Variants in USP47 observed in about 807,000 individuals in gnomAD.
USP47 encodes the protein ubiquitin specific peptidase 47, also known as ubiquitin carboxyl-terminal hydrolase 47.
Under a neutral mutation model 165.1 loss-of-function variants are expected in USP47, and 35 were observed. The ratio of observed to expected loss-of-function variants is 0.21; its 90% confidence interval spans 0.16 to 0.28. The LOEUF is 0.28. USP47 is among the 10% of genes least tolerant of loss of function. The pLI is 1.00. For missense variants in USP47, 1,277 were observed against 1,607.4 expected, an observed-to-expected ratio of 0.79 and a Z score of 3.52; for synonymous variants, 531 against 544.5, an observed-to-expected ratio of 0.98 and a Z score of 0.35.
intron 8 of USP47, among the ~76,000 whole-genome samples, chr11:11,912,989 G>A (rs1250840279): frequency 6.6e-6 from 1 of 151,938 alleles, no homozygotes; most frequent in African/African-American, 2.4e-5. Flanking sequence ...TAGGAATAGA[G>A]GGAAATTTCC....
At chr11:11,905,661 T>C in intron 8 of USP47, 113 bp downstream of exon 8, 1 of 1,077,122 alleles carries the variant, frequency 9.3e-7, no homozygotes, top group South Asian at 3.1e-5. Flanking sequence ...CTTGGGTTGT[T>C]AGTCATTCCT....
At chr11:11,859,124 A>G (rs937390416) in intron 1 of USP47, among the ~76,000 whole-genome samples, 3 of 152,198 alleles carry the variant, frequency 2.0e-5, no homozygotes, top group Non-Finnish European at 4.4e-5. Flanking sequence ...ACGACTGATA[A>G]CAGAGCATCT....
chr11:11,948,332 A>G (rs1165495437), intron 21 of USP47, 146 bp from the exon 22 acceptor site: 5 of 825,098 alleles, frequency 6.1e-6, no homozygotes, highest in East Asian at 5.4e-5. Context: ...TTACTATTCT[A>G]GGTGCTGGGG....
rs747367915 is a variant in USP47, at chr11:11,942,965, A to G, written c.2944A>G (p.Lys982Glu). 2 of 1,613,568 alleles carry G rather than the reference A, an allele frequency of 1.2e-6. No homozygotes were observed. The highest frequency in any genetic ancestry group is 1.7e-6 in the Non-Finnish European group (2 of 1,179,690). The change falls in exon 20 of 28, where the codon AAA (lysine) becomes GAA (glutamate). Residue 982 changes from lysine (K) to glutamate (E), a missense_variant. By Grantham distance (56) the Lys-to-Glu change is moderately conservative (BLOSUM62 1). Transcript: ENST00000527733. ...TAGAAGAACGAAAGCAAATGAAGGGAAAAAAGAAACATGGGATACAGCAGA... is the reference window on the plus strand; with the variant it reads ...TAGAAGAACGAAAGCAAATGAAGGGGAAAAAGAAACATGGGATACAGCAGA... The part of the protein sequence containing the change: ...SSRRTKANEG[K>E]KETWDTAEED...
intron 5 of USP47, among the ~76,000 whole-genome samples, chr11:11,899,698 G>A (rs1852074226): frequency 6.6e-6 from 1 of 152,084 alleles, no homozygotes; most frequent in Admixed American, 6.5e-5. Flanking sequence ...AAGTGTAAAG[G>A]TCTTCAAAAA....
chr11:11,948,668 T>A, intron 22 of USP47, 110 bp downstream of exon 22: 1 of 1,031,596 alleles, frequency 9.7e-7, no homozygotes. Context: ...GGTCAGCAAA[T>A]TTTTTCTGGG....
chr11:11,926,454 C>T (rs1471509189), intron 11 of USP47, among the ~76,000 whole-genome samples: 1 of 152,006 alleles, frequency 6.6e-6, no homozygotes, highest in Non-Finnish European at 1.5e-5. Flanking sequence ...TCTAGGGTAT[C>T]CAATTTGTTG....
At chr11:11,868,367 G>A (rs1849817581) in intron 1 of USP47, among the ~76,000 whole-genome samples, 1 of 152,116 alleles carries the variant, frequency 6.6e-6, no homozygotes, top group South Asian at 2.1e-4. Context: ...TTTTAAGAGT[G>A]TTGTAAAAAT....
chr11:11,938,220 A>G, intron 17 of USP47, 37 bp from the exon 18 acceptor site: 1 of 1,567,774 alleles, frequency 6.4e-7, no homozygotes. Context: ...TTAAAAAATA[A>G]CCTCCAATTC....
intron 1 of USP47, among the ~76,000 whole-genome samples, chr11:11,843,049 C>G (rs142675168): frequency 2.0e-5 from 3 of 152,168 alleles, no homozygotes; most frequent in East Asian, 3.9e-4. Context: ...TCGGCGTATT[C>G]AAATGTGTAT....
chr11:11,875,040 T>TGC (rs1850309219), intron 1 of USP47, among the ~76,000 whole-genome samples: 1 of 88,824 alleles, frequency 1.1e-5, no homozygotes, highest in African/African-American at 3.7e-5. Context: ...TTATTGTGTG[T>TGC]GTGTGTGTGT....
intron 4 of USP47, among the ~76,000 whole-genome samples, chr11:11,893,939 T>G (rs1851697599): frequency 6.6e-6 from 1 of 152,218 alleles, no homozygotes; most frequent in South Asian, 2.1e-4. Context: ...CTTTAATGGT[T>G]TATTTTTTCT....
At chr11:11,932,876 A>T in intron 14 of USP47, 128 bp from the exon 15 acceptor site, 2 of 660,782 alleles carry the variant, frequency 3.0e-6, no homozygotes, top group Admixed American at 3.1e-5. Context: ...TGAGAGAAGG[A>T]TGTAATGGAG....
chr11:11,946,554 C>T (rs1221764579), intron 20 of USP47, among the ~76,000 whole-genome samples: 2 of 152,180 alleles, frequency 1.3e-5, no homozygotes, highest in Non-Finnish European at 2.9e-5. Flanking sequence ...GACCTGCCTA[C>T]AGCCATTTAT....
intron 1 of USP47, among the ~76,000 whole-genome samples, chr11:11,866,582 G>C (rs570140713): frequency 6.6e-6 from 1 of 152,332 alleles, no homozygotes; most frequent in East Asian, 1.9e-4. Context: ...ACTGTCATCA[G>C]TCTAGGTGGC....
At chr11:11,897,173 G>T (rs2134414261) in intron 4 of USP47, among the ~76,000 whole-genome samples, 1 of 151,346 alleles carries the variant, frequency 6.6e-6, no homozygotes, top group South Asian at 2.1e-4. Context: ...TTCTACACTG[G>T]ATGTGTGTGG....
chr11:11,879,493 A>G (rs1412500081), intron 1 of USP47, among the ~76,000 whole-genome samples: 1 of 152,082 alleles, frequency 6.6e-6, no homozygotes, highest in Non-Finnish European at 1.5e-5. Context: ...TTATTTGAGA[A>G]AGTTTAAGCA....
chr11:11,956,268 G>A lies in USP47; in HGVS notation c.*93G>A. The stretch of plus-strand genomic sequence containing the variant: ...AGTGCCATTTTGGCCGGACATGGTT[G>A]GGGTAACCCAGTGACACCAGCACTG... On this transcript the variant is annotated 3_prime_UTR_variant, in exon 28 of 28. Coordinates refer to ENST00000527733, the MANE Select transcript of USP47 (RefSeq NM_001282659.2). The A allele has an allele frequency of 1.4e-6, 2 of 1,445,476 alleles. No homozygotes were observed. Among genetic ancestry groups the A allele is most frequent in the East Asian group, 2.4e-5 (1 of 42,474 alleles). The allele number at this position is 1,445,476 out of a possible 1,614,324, so 89.5% of individuals were successfully genotyped here.
intron 17 of USP47, 129 bp downstream of exon 17, chr11:11,936,639 C>T (rs1855093988): frequency 1.3e-6 from 1 of 758,760 alleles, no homozygotes; most frequent in Non-Finnish European, 1.9e-6. Flanking sequence ...ATAATTTTGA[C>T]AGGTTGAGAA....
Sources: gnomAD v4.1 joint callset for allele counts (sites outside exome capture counted in the v4.1 genomes callset) on GRCh38, gnomAD v4.1.1 for gene constraint, MANE v1.5 for transcripts, NCBI Gene and HGNC (gene_info 2026-07-23, HGNC 2026-07-21) for gene names.